Variants in GPC6 observed in about 807,000 individuals in gnomAD.
GPC6 encodes glypican-6.
A neutral mutation model predicts 55.2 loss-of-function variants in GPC6; 14 were observed. That is an observed-to-expected ratio of 0.25 (90% CI 0.17 to 0.40). GPC6 has a LOEUF of 0.40. GPC6 is among the 10% of genes least tolerant of loss of function. The probability of loss-of-function intolerance (pLI) is 1.00; values close to 1 mark genes in which losing one functional copy is unlikely to be tolerated. For synonymous variants in GPC6, 278 were observed against 259.6 expected (o/e 1.07, Z -0.68); for missense variants, 641 against 708.5 (o/e 0.90, Z 1.08).
At chr13:93,244,618 A>C (rs569296483) in intron 1 of GPC6, among the ~76,000 whole-genome samples, 1 of 152,122 alleles carries the variant, frequency 6.6e-6, no homozygotes, top group African/African-American at 2.4e-5. Context: ...CTGCTCCCCA[A>C]ATCAGCTCTA....
intron 2 of GPC6, among the ~76,000 whole-genome samples, chr13:93,798,200 G>A (rs1566541175): frequency 6.6e-6 from 1 of 152,108 alleles, no homozygotes; most frequent in Admixed American, 6.5e-5. Flanking sequence ...GTATTATGGC[G>A]ATGATGAAGG....
chr13:93,658,176 C>T (rs1342802909), intron 2 of GPC6, among the ~76,000 whole-genome samples: 1 of 151,968 alleles, frequency 6.6e-6, no homozygotes, highest in South Asian at 2.1e-4. Context: ...TCCATCACCC[C>T]TTAAAATTCC....
At chr13:93,265,954 C>G (rs988888686) in intron 1 of GPC6, among the ~76,000 whole-genome samples, 1 of 151,992 alleles carries the variant, frequency 6.6e-6, no homozygotes, top group Non-Finnish European at 1.5e-5. Flanking sequence ...TGAAATCAAC[C>G]AAGGTAAGAG....
chr13:94,211,997 C>G (rs1200605020), intron 4 of GPC6, among the ~76,000 whole-genome samples: 1 of 152,154 alleles, frequency 6.6e-6, no homozygotes, highest in East Asian at 1.9e-4. Flanking sequence ...TAAATTCTCT[C>G]CTACACACAT....
chr13:94,128,348 A>G (rs573960656), intron 4 of GPC6, among the ~76,000 whole-genome samples: 1 of 152,288 alleles, frequency 6.6e-6, no homozygotes, highest in African/African-American at 2.4e-5. Context: ...ACTTTTTAAT[A>G]GAGAGCACAA....
intron 4 of GPC6, among the ~76,000 whole-genome samples, chr13:94,216,059 A>G (rs971945932): frequency 6.6e-6 from 1 of 152,186 alleles, no homozygotes; most frequent in Non-Finnish European, 1.5e-5. Flanking sequence ...AGAGTGAAAA[A>G]GGGTCAAATC....
chr13:93,780,305 A>G (rs1885598519), intron 2 of GPC6, among the ~76,000 whole-genome samples: 1 of 152,128 alleles, frequency 6.6e-6, no homozygotes, highest in African/African-American at 2.4e-5. Context: ...TCCTTAAGAG[A>G]ATATTGCCAT....
At chr13:94,312,437 A>T (rs1033944145) in intron 6 of GPC6, among the ~76,000 whole-genome samples, 2 of 152,210 alleles carry the variant, frequency 1.3e-5, no homozygotes, top group Non-Finnish European at 2.9e-5. Flanking sequence ...ATGTTCTTCC[A>T]TGCCTCTTTG....
chr13:93,614,578 A>G (rs1425207714), intron 2 of GPC6, among the ~76,000 whole-genome samples: 2 of 152,202 alleles, frequency 1.3e-5, no homozygotes, highest in African/African-American at 4.8e-5. Context: ...TCAATGTGAG[A>G]TGTGGTTTTT....
chr13:93,744,528 CTTTTTTTTTTTTT>C (rs71736430), intron 2 of GPC6, among the ~76,000 whole-genome samples: 56 of 97,216 alleles, frequency 5.8e-4, no homozygotes, highest in Non-Finnish European at 6.3e-4. Flanking sequence ...TTTCCCTAGT[CTTTTTTTTTTTTT>C]TTTTTTTTTT....
At chr13:93,606,814 C>A (rs897482834) in intron 2 of GPC6, among the ~76,000 whole-genome samples, 3 of 152,070 alleles carry the variant, frequency 2.0e-5, no homozygotes, top group Non-Finnish European at 4.4e-5. Context: ...AAAACAAAAA[C>A]AAAACTATGA....
At chr13:93,448,717 C>T (rs540664649) in intron 1 of GPC6, among the ~76,000 whole-genome samples, 18 of 152,154 alleles carry the variant, frequency 1.2e-4, no homozygotes, top group Non-Finnish European at 2.4e-4. Flanking sequence ...CTAAGTGGAA[C>T]TGTTTTATTA....
At chr13:93,610,449 C>T (rs988784906) in intron 2 of GPC6, among the ~76,000 whole-genome samples, 2 of 152,076 alleles carry the variant, frequency 1.3e-5, no homozygotes, top group Admixed American at 1.3e-4. Context: ...CACTATGATT[C>T]GTACTGTGAT....
rs565097312 is a variant in GPC6 at position 93,566,239 on chromosome 13, A to T, written c.319+20818A>T. Among the ~76,000 whole-genome samples, 4 of 152,350 alleles carry T rather than the reference A, an allele frequency of 2.6e-5. No individual in the cohort carries two copies. In the South Asian group the frequency reaches 8.3e-4, roughly 32 times the overall value. ...CAAGAGCAGTTACTACCTAAATGTT[A>T]TTCAGTAGCTTATGAAGATATTTTG... On this transcript the variant is annotated intron_variant, in intron 2 of 8. Coordinates refer to ENST00000377047, the MANE Select transcript of GPC6 (RefSeq NM_005708.5).
chr13:93,390,882 T>A (rs1354496097), intron 1 of GPC6, among the ~76,000 whole-genome samples: 2 of 151,918 alleles, frequency 1.3e-5, no homozygotes, highest in Non-Finnish European at 2.9e-5. Flanking sequence ...GCCACTCAGG[T>A]CACTGCTATT....
intron 2 of GPC6, among the ~76,000 whole-genome samples, chr13:93,811,489 T>A (rs1303410082): frequency 6.6e-6 from 1 of 152,174 alleles, no homozygotes; most frequent in Non-Finnish European, 1.5e-5. Context: ...AGGTAGCTAT[T>A]GAACTGGTTA....
intron 3 of GPC6, among the ~76,000 whole-genome samples, chr13:94,019,415 T>C (rs1882613863): frequency 6.6e-6 from 1 of 152,216 alleles, no homozygotes; most frequent in African/African-American, 2.4e-5. Flanking sequence ...CTTAGAAGTC[T>C]GAAATCAGAT....
At chr13:93,327,374 A>G (rs1250288593) in intron 1 of GPC6, among the ~76,000 whole-genome samples, 5 of 152,146 alleles carry the variant, frequency 3.3e-5, no homozygotes, top group Non-Finnish European at 2.9e-5. Flanking sequence ...AGTCGAATAT[A>G]CTGTATGAAT....
intron 3 of GPC6, among the ~76,000 whole-genome samples, chr13:93,833,392 G>A (rs2138986627): frequency 6.6e-6 from 1 of 152,246 alleles, no homozygotes; most frequent in African/African-American, 2.4e-5. Flanking sequence ...ACATTAAGAA[G>A]AGAAGCAAGA....
Sources: gnomAD v4.1 joint callset for allele counts (sites outside exome capture counted in the v4.1 genomes callset) on GRCh38, gnomAD v4.1.1 for gene constraint, MANE v1.5 for transcripts, NCBI Gene and HGNC (gene_info 2026-07-23, HGNC 2026-07-21) for gene names.